The following ITFG1 variants were observed in gnomAD, a reference collection of about 807,000 sequenced individuals.
ITFG1 encodes integrin alpha FG-GAP repeat containing 1, also known as T-cell immunomodulatory protein.
In ITFG1, 34 loss-of-function variants were observed where a neutral mutation model predicts 81.8. The ratio of observed to expected loss-of-function variants is 0.42; its 90% CI spans 0.32 to 0.55. The LOEUF is 0.55. Ranked by LOEUF, ITFG1 falls within the 20% of genes least tolerant of loss-of-function variation. The pLI is 0.17. For missense variants in ITFG1, 672 were observed against 755.4 expected (o/e 0.89, Z 1.29); for synonymous variants, 285 against 270.6 (o/e 1.05, Z -0.52).
intron 8 of ITFG1, among the ~76,000 whole-genome samples, chr16:47,335,901 C>G (rs781057622): frequency 1.3e-5 from 2 of 152,152 alleles, no homozygotes; most frequent in Non-Finnish European, 2.9e-5. Context: ...TACACACAGT[C>G]TTTTAAACAA....
intron 10 of ITFG1, among the ~76,000 whole-genome samples, chr16:47,275,982 G>T (rs1035087501): frequency 1.3e-5 from 2 of 152,028 alleles, no homozygotes; most frequent in Non-Finnish European, 2.9e-5. Flanking sequence ...TGAATAAAAA[G>T]AATGTATGGT....
At chr16:47,429,986 A>C (rs1052050576) in intron 5 of ITFG1, among the ~76,000 whole-genome samples, 1 of 149,992 alleles carries the variant, frequency 6.7e-6, no homozygotes, top group South Asian at 2.1e-4. Flanking sequence ...AGTTCTTTAT[A>C]TAATCTGGGC....
chr16:47,342,534 A>C (rs1967797881), intron 8 of ITFG1, among the ~76,000 whole-genome samples: 1 of 152,108 alleles, frequency 6.6e-6, no homozygotes, highest in African/African-American at 2.4e-5. Flanking sequence ...AATGGTATAA[A>C]AATTGCAAAG....
chr16:47,178,678 T>C (rs1227484457), intron 14 of ITFG1, among the ~76,000 whole-genome samples: 1 of 152,194 alleles, frequency 6.6e-6, no homozygotes, highest in Non-Finnish European at 1.5e-5. Flanking sequence ...AAGGACTTCA[T>C]GTCTAAAACA....
chr16:47,306,292 T>A (rs549001478), intron 10 of ITFG1, among the ~76,000 whole-genome samples: 1 of 152,116 alleles, frequency 6.6e-6, no homozygotes, highest in East Asian at 1.9e-4. Context: ...CAGATAACCA[T>A]TGACTGAGCT....
At chr16:47,226,267 C>T (rs1406816546) in intron 13 of ITFG1, among the ~76,000 whole-genome samples, 6 of 152,226 alleles carry the variant, frequency 3.9e-5, no homozygotes, top group Admixed American at 2.6e-4. Flanking sequence ...TGGAGTGCAG[C>T]GGTGCAATCT....
chr16:47,435,995 C>T (rs1442441512), intron 5 of ITFG1, among the ~76,000 whole-genome samples: 1 of 151,932 alleles, frequency 6.6e-6, no homozygotes, highest in Non-Finnish European at 1.5e-5. Flanking sequence ...CCCCATCATC[C>T]ACAAAAGAAT....
At chr16:47,280,825 C>A (rs1251161456) in intron 10 of ITFG1, among the ~76,000 whole-genome samples, 1 of 152,028 alleles carries the variant, frequency 6.6e-6, no homozygotes, top group Non-Finnish European at 1.5e-5. Context: ...ATCAATCATG[C>A]CTACGTAATG....
At chr16:47,233,752 GC>G (rs1965842214) in intron 13 of ITFG1, among the ~76,000 whole-genome samples, 1 of 152,184 alleles carries the variant, frequency 6.6e-6, no homozygotes, top group Non-Finnish European at 1.5e-5. Context: ...GAAGGTCACA[GC>G]CCAGGGACAC....
intron 8 of ITFG1, among the ~76,000 whole-genome samples, chr16:47,324,531 C>T (rs1406402294): frequency 1.3e-5 from 2 of 152,148 alleles, no homozygotes; most frequent in Admixed American, 1.3e-4. Flanking sequence ...AATTAAAAGG[C>T]ACGGACTGGC....
intron 8 of ITFG1, among the ~76,000 whole-genome samples, chr16:47,353,001 T>C (rs1011228264): frequency 8.6e-5 from 13 of 151,710 alleles, no homozygotes; most frequent in Non-Finnish European, 1.3e-4. Context: ...TAGGTGGGAA[T>C]TGAACAATGA....
At chr16:47,422,318 T>C (rs1184330083) in intron 6 of ITFG1, among the ~76,000 whole-genome samples, 1 of 152,232 alleles carries the variant, frequency 6.6e-6, no homozygotes, top group African/African-American at 2.4e-5. Context: ...TTCCTATTTC[T>C]CCACATCCTC....
At position 47,408,649 on chromosome 16, in the gene ITFG1, G is replaced by A. The variant is rs569975957; in HGVS notation, c.655+20155C>T. Among the ~76,000 whole-genome samples the A allele has an allele frequency of 8.6e-4, 131 of 152,280 alleles. 1 individual carries two copies. The highest frequency in any genetic ancestry group is 3.0e-3 in the African/African-American group (124 of 41,570). ...AAAAAAAAAGAAAGCAAAAACAGGC[G>A]TGGTGCTCAGAGAGACAGTTCTAAT... is the stretch of plus-strand genomic sequence containing the variant. On this transcript the variant is annotated intron_variant, in intron 6 of 17. Coordinates refer to ENST00000320640, the MANE Select transcript of ITFG1 (RefSeq NM_030790.5).
At chr16:47,274,914 T>C (rs1340335218) in intron 10 of ITFG1, among the ~76,000 whole-genome samples, 1 of 152,198 alleles carries the variant, frequency 6.6e-6, no homozygotes, top group Non-Finnish European at 1.5e-5. Flanking sequence ...GATTGTTCCT[T>C]CACTCTTTAG....
chr16:47,297,631 C>CTT (rs767640557), intron 10 of ITFG1, among the ~76,000 whole-genome samples: 9 of 132,932 alleles, frequency 6.8e-5, no homozygotes, highest in South Asian at 2.4e-4. Flanking sequence ...TGACAGTTTG[C>CTT]TTTTTTTTTT....
chr16:47,337,981 T>C (rs1967730283), intron 8 of ITFG1, among the ~76,000 whole-genome samples: 1 of 152,252 alleles, frequency 6.6e-6, no homozygotes, highest in Admixed American at 6.5e-5. Flanking sequence ...TGTTTGTTTG[T>C]TTTTAGTTCC....
At chr16:47,381,029 G>T (rs1968389826) in intron 6 of ITFG1, among the ~76,000 whole-genome samples, 1 of 152,158 alleles carries the variant, frequency 6.6e-6, no homozygotes, top group African/African-American at 2.4e-5. Flanking sequence ...ACATTAAATG[G>T]TTTATGCTTC....
chr16:47,436,233 T>C (rs1308051953), intron 5 of ITFG1, among the ~76,000 whole-genome samples: 1 of 152,130 alleles, frequency 6.6e-6, no homozygotes. Flanking sequence ...TTTGTATACA[T>C]ATGTAACAAA....
chr16:47,206,313 A>G (rs1334879855), intron 14 of ITFG1, among the ~76,000 whole-genome samples: 1 of 152,198 alleles, frequency 6.6e-6, no homozygotes, highest in African/African-American at 2.4e-5. Flanking sequence ...TCTCAGTAAG[A>G]GACAGCTACC....
Sources: gnomAD v4.1 joint callset for allele counts (sites outside exome capture counted in the v4.1 genomes callset) on GRCh38, gnomAD v4.1.1 for gene constraint, MANE v1.5 for transcripts, NCBI Gene and HGNC (gene_info 2026-07-23, HGNC 2026-07-21) for gene names.